The following FGGY variants were observed in gnomAD, a reference collection of about 807,000 sequenced individuals.
FGGY encodes the protein FGGY carbohydrate kinase domain containing.
FGGY carries 72 observed loss-of-function variants against 71.3 expected under a neutral mutation model. The observed-to-expected ratio is 1.01, with a 90% CI of 0.84 to 1.23. FGGY has a LOEUF of 1.23. Ranked by LOEUF, FGGY falls within the 50% of genes most tolerant of loss-of-function variation. The probability of loss-of-function intolerance (pLI) is 0.00; values close to 1 mark genes in which losing one functional copy is unlikely to be tolerated. For missense variants in FGGY, 668 were observed against 682.3 expected, an observed-to-expected ratio of 0.98 and a Z score of 0.23; for synonymous variants, 251 against 250.3, an observed-to-expected ratio of 1.00 and a Z score of -0.02.
intron 8 of FGGY, among the ~76,000 whole-genome samples, chr1:59,606,947 C>T (rs1367290958): frequency 6.6e-6 from 1 of 152,160 alleles, no homozygotes; most frequent in Non-Finnish European, 1.5e-5. Context: ...AACTCTGATT[C>T]ATCTTTGTGT....
intron 5 of FGGY, among the ~76,000 whole-genome samples, chr1:59,388,966 T>A (rs984167120): frequency 1.3e-5 from 2 of 151,904 alleles, no homozygotes; most frequent in African/African-American, 4.8e-5. Context: ...CTCTTTTTTT[T>A]AGACAGGGTC....
intron 8 of FGGY, among the ~76,000 whole-genome samples, chr1:59,595,314 C>CT (rs35831272): frequency 3.3e-5 from 5 of 151,662 alleles, no homozygotes; most frequent in East Asian, 1.9e-4. Flanking sequence ...TTTGTAATGC[C>CT]TTTTTTTAAA....
At chr1:59,342,261 A>G (rs932466312) in intron 3 of FGGY, among the ~76,000 whole-genome samples, 3 of 152,186 alleles carry the variant, frequency 2.0e-5, no homozygotes, top group African/African-American at 7.2e-5. Context: ...AAGTTTTCTC[A>G]GTAAGTCTAG....
At chr1:59,426,085 C>T (rs1410826383) in intron 5 of FGGY, among the ~76,000 whole-genome samples, 2 of 152,166 alleles carry the variant, frequency 1.3e-5, no homozygotes, top group Non-Finnish European at 1.5e-5. Flanking sequence ...ACCCTTAGAG[C>T]TCCTGTCTCC....
At chr1:59,575,189 G>A (rs1258774970) in intron 8 of FGGY, among the ~76,000 whole-genome samples, 5 of 152,026 alleles carry the variant, frequency 3.3e-5, no homozygotes, top group Non-Finnish European at 5.9e-5. Flanking sequence ...TCACCATGCT[G>A]TGCAACAGAT....
chr1:59,718,213 C>T (rs963815264), intron 14 of FGGY, among the ~76,000 whole-genome samples: 8 of 152,184 alleles, frequency 5.3e-5, no homozygotes, highest in Admixed American at 5.2e-4. Flanking sequence ...CTAGGTCTTC[C>T]TAATTCTGAT....
chr1:59,616,475 C>G (rs1026110825), intron 9 of FGGY, among the ~76,000 whole-genome samples: 3 of 151,968 alleles, frequency 2.0e-5, no homozygotes, highest in African/African-American at 7.3e-5. Context: ...ACACCAGGGC[C>G]TGCTGTGGGG....
chr1:59,733,466 T>G (rs199812302), intron 14 of FGGY, among the ~76,000 whole-genome samples: 13 of 126,320 alleles, frequency 1.0e-4, no homozygotes, highest in African/African-American at 3.2e-4. Flanking sequence ...GTTTTGTTTT[T>G]TTGTTTTGTT....
At chr1:59,477,686 A>G (rs944687019) in intron 6 of FGGY, among the ~76,000 whole-genome samples, 2 of 152,196 alleles carry the variant, frequency 1.3e-5, no homozygotes, top group African/African-American at 2.4e-5. Flanking sequence ...TGAGGGGGGA[A>G]AAACCCACTG....
chr1:59,660,270 C>G lies in FGGY; in HGVS notation c.1273C>G (p.Leu425Val), dbSNP rs779374026. The G allele has an allele frequency of 6.2e-7, 1 of 1,613,388 alleles. No individual in the cohort carries two copies. Among genetic ancestry groups the G allele is most frequent in the South Asian group, 1.1e-5 (1 of 91,076 alleles). ...CCTTGATGATCTTGCCATTCTCTACCTGGCCACAGTTCAAGCCATTGCTGT... is the reference window on the plus strand; with the variant it reads ...CCTTGATGATCTTGCCATTCTCTACGTGGCCACAGTTCAAGCCATTGCTGT... ...QDLDDLAILYLATVQAIALGT... is the reference protein window; with the variant it reads ...QDLDDLAILYVATVQAIALGT... Residue 425 changes from leucine to valine, a missense_variant, in exon 12 of 16, where the codon CTG (leucine) becomes GTG (valine). By Grantham distance (32) the Leu-to-Val change is conservative. This residue lies in a region of FGGY where 661 missense variants were observed against 661.6 expected (regional missense o/e 1.00). Coordinates refer to ENST00000303721, the MANE Select transcript of FGGY (RefSeq NM_018291.5).
At chr1:59,678,442 A>T (rs1386291408) in intron 14 of FGGY, among the ~76,000 whole-genome samples, 1 of 152,224 alleles carries the variant, frequency 6.6e-6, no homozygotes, top group African/African-American at 2.4e-5. Context: ...GAAAATCAAT[A>T]AACTGGAAAA....
At chr1:59,371,793 T>G (rs1165454488) in intron 4 of FGGY, among the ~76,000 whole-genome samples, 1 of 152,178 alleles carries the variant, frequency 6.6e-6, no homozygotes, top group Non-Finnish European at 1.5e-5. Context: ...CTGAACAACC[T>G]GCTCCTGAAT....
At chr1:59,681,792 A>G (rs546275180) in intron 14 of FGGY, among the ~76,000 whole-genome samples, 271 of 106,048 alleles carry the variant, frequency 2.6e-3, no homozygotes, top group African/African-American at 8.3e-3. Context: ...ATACACACAC[A>G]CACACACACA....
At chr1:59,580,287 AAT>A (rs2096167669) in intron 8 of FGGY, among the ~76,000 whole-genome samples, 1 of 152,118 alleles carries the variant, frequency 6.6e-6, no homozygotes, top group South Asian at 2.1e-4. Context: ...CCTTGCATGT[AAT>A]AGACTCTCAC....
chr1:59,691,861 T>G (rs953542458), intron 14 of FGGY, among the ~76,000 whole-genome samples: 1 of 152,176 alleles, frequency 6.6e-6, no homozygotes, highest in African/African-American at 2.4e-5. Context: ...AGGCCTCACT[T>G]ACTTTATTTT....
intron 14 of FGGY, among the ~76,000 whole-genome samples, chr1:59,732,207 A>G (rs2098041002): frequency 6.6e-6 from 1 of 152,174 alleles, no homozygotes; most frequent in African/African-American, 2.4e-5. Context: ...CCATTTGACC[A>G]GAGAATTTTA....
intron 7 of FGGY, among the ~76,000 whole-genome samples, chr1:59,542,975 G>A (rs114872282): frequency 4.5e-4 from 69 of 152,272 alleles, no homozygotes; most frequent in Non-Finnish European, 9.1e-4. Context: ...GAGAAGGTGG[G>A]CAGGTGTCAA....
intron 7 of FGGY, among the ~76,000 whole-genome samples, chr1:59,549,099 C>G (rs1306287288): frequency 1.3e-5 from 2 of 152,174 alleles, no homozygotes; most frequent in African/African-American, 4.8e-5. Flanking sequence ...GGTGTTAAGT[C>G]TTCTGCAGAG....
At chr1:59,758,487 A>G (rs145323577) in intron 15 of FGGY, among the ~76,000 whole-genome samples, 1 of 152,374 alleles carries the variant, frequency 6.6e-6, no homozygotes, top group African/African-American at 2.4e-5. Context: ...AATTTAATTT[A>G]GGCACATAAG....
Sources: gnomAD v4.1 joint callset for allele counts (sites outside exome capture counted in the v4.1 genomes callset) on GRCh38, gnomAD v4.1.1 for gene constraint, gnomAD v4.1.1 regional missense constraint, MANE v1.5 for transcripts, NCBI Gene and HGNC (gene_info 2026-07-23, HGNC 2026-07-21) for gene names.